Variants in ANXA1 observed in about 807,000 individuals in gnomAD.
ANXA1 encodes the protein annexin I (lipocortin I).
A neutral mutation model predicts 47.9 loss-of-function variants in ANXA1; 39 were observed. The observed-to-expected ratio is 0.81, with a 90% CI of 0.63 to 1.06. ANXA1 has a LOEUF of 1.06. ANXA1 is among the 50% of genes least tolerant of loss of function. The pLI is 0.00. For missense variants in ANXA1, 446 were observed against 422.7 expected (o/e 1.06, Z -0.48); for synonymous variants, 146 against 142.5 (o/e 1.02, Z -0.17).
Position 73,160,734 on chromosome 9 carries a change from A to G in ANXA1, c.385-69A>G, listed in dbSNP as rs1304594735. The G allele has an allele frequency of 3.2e-6, 4 of 1,234,876 alleles. No homozygotes were observed. In the Admixed American group the frequency reaches 8.1e-5, roughly 25 times the overall value. 76.5% of individuals were successfully genotyped at this position (1,234,876 alleles called of 1,614,324 possible). A position where few individuals can be genotyped will look rare whatever the true frequency, so the allele number is the denominator to read the frequency against. On this transcript the variant is annotated intron_variant, in intron 5 of 12. Transcript: ENST00000257497. Reference sequence around the variant, plus strand: ...AGAGTCAAACAAATTTTGGAACACCAAAAACTCATTGATCCTCTTGCATGA... The same window carrying G: ...AGAGTCAAACAAATTTTGGAACACCGAAAACTCATTGATCCTCTTGCATGA...
chr9:73,166,078 G>A lies in ANXA1; in HGVS notation c.707-19G>A. On this transcript the variant is annotated intron_variant, in intron 9 of 12. Transcript: ENST00000257497. Reference sequence around the variant, plus strand: ...AAAAGGATGTTTTGCATGTATCTTAGTTTGAATTTAATATTCAGTGTTTCA... The same window carrying A: ...AAAAGGATGTTTTGCATGTATCTTAATTTGAATTTAATATTCAGTGTTTCA... The A allele has an allele frequency of 6.4e-7, 1 of 1,570,866 alleles. No individual in the cohort carries two copies. The highest frequency in any genetic ancestry group is 8.7e-7 in the Non-Finnish European group (1 of 1,151,084).
intron 7 of ANXA1, among the ~76,000 whole-genome samples, chr9:73,163,146 T>G (rs1824171143): frequency 1.3e-5 from 2 of 152,044 alleles, no homozygotes; most frequent in South Asian, 4.1e-4. Context: ...GGTGCCAGCC[T>G]CGTTAACAAC....
chr9:73,152,259 C>T (rs1204199361), intron 1 of ANXA1, among the ~76,000 whole-genome samples: 1 of 152,088 alleles, frequency 6.6e-6, no homozygotes. Context: ...TCCTTTCCTT[C>T]CCCTTGAAAT....
chr9:73,152,070 T>C (rs995864037), intron 1 of ANXA1, 146 bp downstream of exon 1: 3 of 152,188 alleles, frequency 2.0e-5, no homozygotes, highest in Non-Finnish European at 4.4e-5. Flanking sequence ...TAGAATTACA[T>C]TGGATATTTA....
In ANXA1 at chr9:73,169,168, C is replaced by T; in HGVS notation, c.984+14C>T. On this transcript the variant is annotated intron_variant, in intron 12 of 12. Transcript: ENST00000257497. Reference sequence around the variant, plus strand: ...CAAGCCATCCTGGTATGTTTTGATTCCTCTAATGCCATCCCAACAAATGAA... The same window carrying T: ...CAAGCCATCCTGGTATGTTTTGATTTCTCTAATGCCATCCCAACAAATGAA... 1 of 1,586,056 alleles carries T rather than the reference C, an allele frequency of 6.3e-7. No homozygotes were observed. Among genetic ancestry groups the T allele is most frequent in the Non-Finnish European group, 8.6e-7 (1 of 1,168,234 alleles).
At chr9:73,159,306 G>A (rs781132592) in intron 3 of ANXA1, 23 bp from the exon 4 acceptor site, 4 of 1,596,594 alleles carry the variant, frequency 2.5e-6, no homozygotes, top group Non-Finnish European at 3.4e-6. Context: ...TGGTGTTAAA[G>A]GCTGTTGGCC....
intron 8 of ANXA1, among the ~76,000 whole-genome samples, 177 bp from the exon 9 acceptor site, chr9:73,164,939 T>C (rs1485658619): frequency 5.3e-5 from 8 of 152,186 alleles, no homozygotes; most frequent in Non-Finnish European, 1.2e-4. Flanking sequence ...CTGTGGAAGA[T>C]ATTTGACAAA....
chr9:73,157,625 G>A (rs1178403109), intron 1 of ANXA1: 2 of 136,498 alleles, frequency 1.5e-5, no homozygotes, highest in Non-Finnish European at 3.0e-5. Flanking sequence ...CTGCACTCCA[G>A]CCTGGGCGAC....
At chr9:73,156,101 TG>T (rs1476450336) in intron 1 of ANXA1, among the ~76,000 whole-genome samples, 1 of 92,134 alleles carries the variant, frequency 1.1e-5, no homozygotes, top group Admixed American at 1.0e-4. Context: ...TTGAAAAGAA[TG>T]GAATAATAAT....
At position 73,165,300 on chromosome 9, in the gene ANXA1, T is replaced by C. The variant is rs148904748; in HGVS notation, c.706+91T>C. 2.6e-5 allele frequency: 24 copies of C among 921,596 alleles called. No individual in the cohort carries two copies. The East Asian group carries it at 4.8e-4, about 18-fold the overall frequency. The allele number at this position is 921,596 out of a possible 1,614,324, so 57.1% of individuals were successfully genotyped here. A position where few individuals can be genotyped will look rare whatever the true frequency, so the allele number is the denominator to read the frequency against. ...ATAAGAGAAAGTAAAAACAGAACCC[T>C]TTTTCAATATCACTCCTGTATCAAA... On this transcript the variant is annotated intron_variant, in intron 9 of 12. Transcript: ENST00000257497.
rs1824222228 is a variant in ANXA1 at position 73,165,953 on chromosome 9, A to G, written c.707-144A>G. 8 of 578,628 alleles carry G rather than the reference A, an allele frequency of 1.4e-5. No individual in the cohort carries two copies. In the Admixed American group the frequency reaches 2.6e-4, roughly 19 times the overall value. 35.8% of individuals were successfully genotyped at this position (578,628 alleles called of 1,614,324 possible). On this transcript the variant is annotated intron_variant, in intron 9 of 12. Transcript: ENST00000257497. Reference sequence around the variant, plus strand: ...TAGGAGAGGATGAAGTATTCACGTTATGATTAATTGGGTATATTGCTTTAA... The same window carrying G: ...TAGGAGAGGATGAAGTATTCACGTTGTGATTAATTGGGTATATTGCTTTAA...
rs755924071 is a variant in ANXA1, at chr9:73,159,392, T to A, written c.239T>A (p.Ile80Asn). ...CGAAACAATGCACAGCGTCAACAGA[T>A]CAAAGCAGCATATCTCCAGGAAACA... ...TKRNNAQRQQIKAAYLQETGK... is the reference protein window; with the variant it reads ...TKRNNAQRQQNKAAYLQETGK... Residue 80 changes from isoleucine (I) to asparagine (N), a missense_variant, in exon 4 of 13, where the codon ATC becomes AAC. By Grantham distance (149) the Ile-to-Asn change is moderately radical (BLOSUM62 -3). Transcript: ENST00000257497. The A allele has an allele frequency of 6.2e-7, 1 of 1,613,030 alleles. No individual in the cohort carries two copies. The highest frequency in any genetic ancestry group is 1.3e-5 in the African/African-American group (1 of 74,834).
chr9:73,163,459 A>C lies in ANXA1; in HGVS notation c.556-17A>C. On this transcript the variant is annotated splice_polypyrimidine_tract_variant and intron_variant, in intron 7 of 12. Coordinates refer to ENST00000257497, the MANE Select transcript of ANXA1 (RefSeq NM_000700.3). ...CATGCTAGAGAAGAGCTTACAATAG[A>C]ATGGGATTTCTTTCAGGGTGACCGA... is the stretch of plus-strand genomic sequence containing the variant. The C allele has an allele frequency of 1.2e-6, 2 of 1,611,862 alleles. No individual in the cohort carries two copies. The highest frequency in any genetic ancestry group is 1.7e-6 in the Non-Finnish European group (2 of 1,178,418).
chr9:73,164,364 AT>A (rs1824192270), intron 8 of ANXA1, among the ~76,000 whole-genome samples: 1 of 152,144 alleles, frequency 6.6e-6, no homozygotes, highest in Non-Finnish European at 1.5e-5. Flanking sequence ...AGGTTTTATC[AT>A]TTTAATAGAA....
chr9:73,163,119 A>G (rs1824170768), intron 7 of ANXA1, among the ~76,000 whole-genome samples: 2 of 152,128 alleles, frequency 1.3e-5, no homozygotes. Flanking sequence ...GAAAGGAAGC[A>G]AGAGAGAGAA....
intron 5 of ANXA1, 81 bp downstream of exon 5, chr9:73,160,457 A>T: frequency 1.0e-6 from 1 of 960,360 alleles, no homozygotes. Context: ...TATTTTCAAA[A>T]TCTAGTATAG....
At chr9:73,169,714 T>C (rs1368998918) in intron 12 of ANXA1, among the ~76,000 whole-genome samples, 2 of 152,146 alleles carry the variant, frequency 1.3e-5, no homozygotes, top group Non-Finnish European at 2.9e-5. Flanking sequence ...ATTTCTCTTC[T>C]TCTGGTGAGT....
At chr9:73,165,001 CTGAT>C (rs982510032) in intron 8 of ANXA1, 111 bp from the exon 9 acceptor site, 66 of 723,488 alleles carry the variant, frequency 9.1e-5, no homozygotes, top group African/African-American at 7.6e-4. Context: ...GTTGACTACT[CTGAT>C]TGTATTGGGC....
Position 73,158,750 on chromosome 9 carries a change from C to A in ANXA1, c.122C>A (p.Thr41Asn), listed in dbSNP as rs1824090296. Residue 41 changes from threonine (T) to asparagine (N), a missense_variant, in exon 3 of 13, where the codon ACC (threonine) becomes AAC (asparagine). Thr to Asn is a moderately conservative substitution (Grantham distance 65). Coordinates refer to ENST00000257497, the MANE Select transcript of ANXA1 (RefSeq NM_000700.3). ...GPGSAVSPYPTFNPSSDVAAL... is the reference protein window; with the variant it reads ...GPGSAVSPYPNFNPSSDVAAL... ...GGATCAGCGGTGAGCCCCTATCCTA[C>A]CTTCAATCCATCCTCGGATGTCGCT... 2 of 1,613,806 alleles carry A rather than the reference C, an allele frequency of 1.2e-6. No homozygotes were observed. Among genetic ancestry groups the A allele is most frequent in the Non-Finnish European group, 1.7e-6 (2 of 1,179,882 alleles).
Sources: gnomAD v4.1 joint callset for allele counts (sites outside exome capture counted in the v4.1 genomes callset) on GRCh38, gnomAD v4.1.1 for gene constraint, MANE v1.5 for transcripts, NCBI Gene and HGNC (gene_info 2026-07-23, HGNC 2026-07-21) for gene names.